Variants in NUP62CL observed in about 807,000 individuals in gnomAD.
NUP62CL encodes the protein nucleoporin-62 C-terminal-like protein.
Under a neutral mutation model 15.3 loss-of-function variants are expected in NUP62CL, and 13 were observed. That is an observed-to-expected ratio of 0.85 (90% CI 0.55 to 1.35). The LOEUF (loss-of-function observed/expected upper bound fraction) is 1.35. Ranked by LOEUF, NUP62CL falls within the 40% of genes most tolerant of loss-of-function variation. The pLI is 0.00. For synonymous variants in NUP62CL, 54 were observed against 49.2 expected, an observed-to-expected ratio of 1.10 and a Z score of -0.41; for missense variants, 123 against 130.6, an observed-to-expected ratio of 0.94 and a Z score of 0.28.
At chrX:107,152,024 C>T (rs1926023400) in intron 7 of NUP62CL, among the ~76,000 whole-genome samples, 1 of 77,067 alleles carries the variant, frequency 1.3e-5, no homozygotes, top group Non-Finnish European at 2.4e-5. Flanking sequence ...AGCAAGACTT[C>T]ATCTTGAATA....
At chrX:107,164,119 T>A (rs927626704) in intron 4 of NUP62CL, among the ~76,000 whole-genome samples, 2 of 111,547 alleles carry the variant, frequency 1.8e-5, no homozygotes, top group African/African-American at 3.3e-5. Context: ...CAAACCTAAA[T>A]AAATTTAAAA....
At chrX:107,170,413 C>CT (rs35571930) in intron 3 of NUP62CL, among the ~76,000 whole-genome samples, 23,605 of 94,565 alleles carry the variant, frequency 0.25, 3,186 homozygotes, top group East Asian at 0.43. Context: ...ATTATTTTAA[C>CT]TTTTTTTTTT....
chrX:107,180,320 T>C (rs1337474746), intron 2 of NUP62CL, among the ~76,000 whole-genome samples: 1 of 112,044 alleles, frequency 8.9e-6, no homozygotes, highest in African/African-American at 3.2e-5. Context: ...TATACTTGAA[T>C]ACCTGTAAAA....
At chrX:107,188,738 A>C (rs750782861) in intron 2 of NUP62CL, among the ~76,000 whole-genome samples, 11 of 111,494 alleles carry the variant, frequency 9.9e-5, no homozygotes, top group South Asian at 3.8e-4. Context: ...TACAAAAAAA[A>C]CTCCTAGAAT....
Position 107,153,262 on chromosome X carries a change from A to G in NUP62CL, c.440T>C (p.Leu147Pro). The G allele has an allele frequency of 8.3e-7, 1 of 1,208,431 alleles. No individual in the cohort carries two copies. Among genetic ancestry groups the G allele is most frequent in the Non-Finnish European group, 1.1e-6 (1 of 892,501 alleles). The change falls in exon 7 of 9, where the codon CTA becomes CCA. Residue 147 changes from leucine (L) to proline (P), a missense_variant. By Grantham distance (98) the Leu-to-Pro change is moderately conservative (BLOSUM62 -3). Coordinates refer to ENST00000372466, the MANE Select transcript of NUP62CL (RefSeq NM_017681.3). The part of the protein sequence containing the change: ...LDFILSQQQE[L>P]EFLLTYLEES... ...CTCTAAATAAGTCAACAGAAATTCTAGTTCCTGCTGCTGTGACAGGATAAA... is the reference window on the plus strand; with the variant it reads ...CTCTAAATAAGTCAACAGAAATTCTGGTTCCTGCTGCTGTGACAGGATAAA...
At chrX:107,169,395 TAAG>T (rs769475352) in intron 3 of NUP62CL, among the ~76,000 whole-genome samples, 1 of 112,622 alleles carries the variant, frequency 8.9e-6, no homozygotes, top group Non-Finnish European at 1.9e-5. Flanking sequence ...AAAGCTGCCT[TAAG>T]AATAATCTTA....
chrX:107,185,754 A>T (rs1247482374), intron 2 of NUP62CL, among the ~76,000 whole-genome samples: 1 of 112,000 alleles, frequency 8.9e-6, no homozygotes, highest in Non-Finnish European at 1.9e-5. Flanking sequence ...TAGTACATGT[A>T]AATGGCCTAT....
At chrX:107,127,291 GT>G (rs1755192481) in intron 8 of NUP62CL, among the ~76,000 whole-genome samples, 1 of 111,630 alleles carries the variant, frequency 9.0e-6, no homozygotes, top group Non-Finnish European at 1.9e-5. Flanking sequence ...GTTGCATGGG[GT>G]TTGGGATAGA....
chrX:107,125,647 C>T (rs1925369459), intron 8 of NUP62CL, among the ~76,000 whole-genome samples: 1 of 111,479 alleles, frequency 9.0e-6, no homozygotes, highest in South Asian at 3.8e-4. Context: ...GTTGTAATAA[C>T]TAACTGCGGG....
intron 8 of NUP62CL, among the ~76,000 whole-genome samples, chrX:107,131,073 C>T (rs1925501899): frequency 9.0e-6 from 1 of 110,909 alleles, no homozygotes; most frequent in Non-Finnish European, 1.9e-5. Context: ...TAAATAGTTG[C>T]AAAATTTAGC....
intron 4 of NUP62CL, among the ~76,000 whole-genome samples, chrX:107,160,642 A>G (rs1485781572): frequency 1.2e-4 from 13 of 111,163 alleles, no homozygotes; most frequent in Non-Finnish European, 1.7e-4. Flanking sequence ...AAGATGGATT[A>G]AAGATTTAAA....
At chrX:107,157,059 G>C (rs1438556162) in intron 4 of NUP62CL, among the ~76,000 whole-genome samples, 24 of 103,604 alleles carry the variant, frequency 2.3e-4, no homozygotes, top group Admixed American at 4.2e-4. Flanking sequence ...GAAATGAAGC[G>C]AGAAGGGAAG....
At chrX:107,151,079 C>A in intron 7 of NUP62CL, 1 of 281,580 alleles carries the variant, frequency 3.6e-6, no homozygotes, top group Non-Finnish European at 7.0e-6. Context: ...ATTCCCCTGT[C>A]TTTTCAGTGG....
At position 107,174,968 on chromosome X, in the gene NUP62CL, T is replaced by G; in HGVS notation, c.58+121A>C. On this transcript the variant is annotated intron_variant, in intron 3 of 8. Coordinates refer to ENST00000372466, the MANE Select transcript of NUP62CL (RefSeq NM_017681.3). The stretch of plus-strand genomic sequence containing the variant: ...GCAAAGCTACTATTGATATCAGCAA[T>G]TATAAATGGGTTCAAGAATAATGAT... 3 of 579,263 alleles carry G rather than the reference T, an allele frequency of 5.2e-6. No homozygotes were observed. In the Admixed American group the frequency reaches 8.9e-5, roughly 17 times the overall value. 47.7% of individuals were successfully genotyped at this position (579,263 alleles called of 1,213,427 possible).
At chrX:107,184,321 AAGAAAGAAAG>A (rs1402987006) in intron 2 of NUP62CL, among the ~76,000 whole-genome samples, 1 of 68,683 alleles carries the variant, frequency 1.5e-5, no homozygotes, top group African/African-American at 7.1e-5. Context: ...GAAAGAAAGA[AAGAAAGAAAG>A]AAAGAAAGAA....
At chrX:107,132,217 G>A in intron 8 of NUP62CL, 4 of 1,095,360 alleles carry the variant, frequency 3.7e-6, no homozygotes, top group Admixed American at 4.4e-5. Context: ...TCCTCTTATT[G>A]ATATACCTTC....
chrX:107,156,417 A>G (rs1253330197), intron 4 of NUP62CL, among the ~76,000 whole-genome samples: 1 of 104,085 alleles, frequency 9.6e-6, no homozygotes, highest in Non-Finnish European at 2.0e-5. Flanking sequence ...TTCTCCCAGC[A>G]CGCAGCTGGA....
chrX:107,149,930 A>T (rs181985942), intron 7 of NUP62CL, among the ~76,000 whole-genome samples: 1,539 of 111,868 alleles, frequency 0.014, 12 homozygotes, highest in Non-Finnish European at 0.021. Flanking sequence ...GAGAAAGAAA[A>T]AAAAAACAAT....
intron 2 of NUP62CL, among the ~76,000 whole-genome samples, chrX:107,187,361 A>T (rs1419635204): frequency 8.9e-6 from 1 of 112,243 alleles, no homozygotes; most frequent in African/African-American, 3.2e-5. Flanking sequence ...AAACGAAAAC[A>T]ATAAAAAAAA....
Sources: allele counts gnomAD v4.1 joint callset (sites outside exome capture counted in the v4.1 genomes callset), GRCh38; gene constraint gnomAD v4.1.1; transcripts MANE v1.5; gene names NCBI Gene and HGNC (gene_info 2026-07-23, HGNC 2026-07-21).